ADARB2: variants seen among roughly 807,000 people sequenced by gnomAD.
ADARB2 encodes the protein adenosine deaminase RNA specific B2 (inactive), also known as inactive double-stranded RNA-specific editase B2.
Under a neutral mutation model 62.2 loss-of-function variants are expected in ADARB2, and 25 were observed. The ratio of observed to expected loss-of-function variants is 0.40; its 90% confidence interval spans 0.29 to 0.56. The LOEUF (loss-of-function observed/expected upper bound fraction) is 0.56, where lower values mean the gene tolerates loss of function less well. Ranked by LOEUF, ADARB2 falls within the 20% of genes least tolerant of loss-of-function variation. The pLI, the probability that ADARB2 is intolerant of heterozygous loss-of-function variation, is 0.43. For missense variants in ADARB2, 1,071 were observed against 1,077.4 expected, an observed-to-expected ratio of 0.99 and a Z score of 0.08; for synonymous variants, 572 against 500.8, an observed-to-expected ratio of 1.14 and a Z score of -1.90.
At chr10:1,457,551 C>T (rs1439618201) in intron 1 of ADARB2, among the ~76,000 whole-genome samples, 1 of 152,184 alleles carries the variant, frequency 6.6e-6, no homozygotes, top group South Asian at 2.1e-4. Context: ...CACACTCACT[C>T]TGCCAAAAAG....
At chr10:1,196,317 A>G (rs916832479) in intron 8 of ADARB2, among the ~76,000 whole-genome samples, 1 of 142,792 alleles carries the variant, frequency 7.0e-6, no homozygotes, top group South Asian at 2.2e-4. Context: ...TCACTGCTCT[A>G]TTCTCAATGT....
At chr10:1,274,951 C>T (rs1038069734) in intron 3 of ADARB2, among the ~76,000 whole-genome samples, 12 of 152,162 alleles carry the variant, frequency 7.9e-5, no homozygotes, top group African/African-American at 1.7e-4. Flanking sequence ...CGGGTGAAGG[C>T]GGCTGGCACC....
intron 1 of ADARB2, among the ~76,000 whole-genome samples, chr10:1,381,977 A>C (rs975955102): frequency 6.6e-6 from 1 of 152,136 alleles, no homozygotes; most frequent in Non-Finnish European, 1.5e-5. Context: ...GAAATGGGAT[A>C]AAAGAGTGGA....
intron 1 of ADARB2, among the ~76,000 whole-genome samples, chr10:1,475,287 C>T (rs1831383946): frequency 1.3e-5 from 2 of 152,288 alleles, no homozygotes; most frequent in Admixed American, 6.5e-5. Context: ...GAAACTTGAC[C>T]GCAGGCTGGG....
chr10:1,567,697 C>T (rs1832875628), intron 1 of ADARB2, among the ~76,000 whole-genome samples: 1 of 152,236 alleles, frequency 6.6e-6, no homozygotes, highest in Non-Finnish European at 1.5e-5. Flanking sequence ...GCTGCTGATG[C>T]TCGATGTCTT....
intron 3 of ADARB2, among the ~76,000 whole-genome samples, chr10:1,325,653 C>A (rs1831838170): frequency 6.6e-6 from 1 of 152,206 alleles, no homozygotes. Flanking sequence ...CCGCCTTCCT[C>A]CTCCATGGAG....
chr10:1,311,110 C>G (rs1589188719), intron 3 of ADARB2, among the ~76,000 whole-genome samples: 1 of 152,320 alleles, frequency 6.6e-6, no homozygotes. Flanking sequence ...GGGGGTCACT[C>G]AGGAGACCTG....
intron 1 of ADARB2, among the ~76,000 whole-genome samples, chr10:1,710,435 G>A (rs1483102100): frequency 2.0e-5 from 3 of 152,210 alleles, no homozygotes; most frequent in Admixed American, 2.0e-4. Context: ...GAAACTCCCT[G>A]GGTTTGAGTT....
At chr10:1,624,995 A>G (rs1046520466) in intron 1 of ADARB2, among the ~76,000 whole-genome samples, 7 of 152,204 alleles carry the variant, frequency 4.6e-5, no homozygotes, top group African/African-American at 1.7e-4. Flanking sequence ...ATATATATGT[A>G]GAAGGCAGTC....
At chr10:1,379,365 G>A (rs375239820) in intron 1 of ADARB2, among the ~76,000 whole-genome samples, 42 of 152,136 alleles carry the variant, frequency 2.8e-4, no homozygotes, top group African/African-American at 8.4e-4. Context: ...AAAACTCTAC[G>A]ATTTCCTTCT....
chr10:1,216,968 G>A lies in ADARB2; in HGVS notation c.1665C>T (p.Cys555=). 3 of 1,607,768 alleles carry A rather than the reference G, an allele frequency of 1.9e-6. No homozygotes were observed. Among genetic ancestry groups the A allele is most frequent in the Non-Finnish European group, 2.5e-6 (3 of 1,179,634 alleles). Residue 555 remains cysteine, a synonymous_variant, in exon 7 of 10, where the codon TGC becomes TGT. Transcript: ENST00000381312. The part of the protein sequence containing the change: ...LLGEQLITMS[C]TDKIARWNVL... ...GGCCTCACCTGGCGATCTTGTCCGT[G>A]CAGGACATGGTGATCAGCTGCTCCC...
At chr10:1,205,055 C>T (rs553197209) in intron 7 of ADARB2, among the ~76,000 whole-genome samples, 37 of 152,296 alleles carry the variant, frequency 2.4e-4, no homozygotes, top group African/African-American at 8.4e-4. Flanking sequence ...GTCCCCTGAC[C>T]TCCTGGGTTC....
chr10:1,473,432 GAGTGC>G (rs1204289673), intron 1 of ADARB2, among the ~76,000 whole-genome samples: 1 of 152,118 alleles, frequency 6.6e-6, no homozygotes, highest in Non-Finnish European at 1.5e-5. Flanking sequence ...GCTCGGGCTG[GAGTGC>G]AGTGGTGTGA....
chr10:1,655,788 A>C (rs975279065), intron 1 of ADARB2, among the ~76,000 whole-genome samples: 3 of 152,264 alleles, frequency 2.0e-5, no homozygotes, highest in African/African-American at 7.2e-5. Context: ...TACTGGAACA[A>C]GCGAGGTTTT....
intron 3 of ADARB2, among the ~76,000 whole-genome samples, chr10:1,309,007 G>C (rs1831658895): frequency 1.3e-5 from 2 of 152,110 alleles, no homozygotes; most frequent in African/African-American, 4.8e-5. Context: ...TCCCCAAAAA[G>C]GCAATGATTT....
intron 1 of ADARB2, among the ~76,000 whole-genome samples, chr10:1,603,095 ACAT>A (rs60795111): frequency 0.28 from 42,717 of 150,312 alleles, 6,534 homozygotes; most frequent in South Asian, 0.36. Flanking sequence ...ACACATACAC[ACAT>A]CAACACACAC....
intron 3 of ADARB2, among the ~76,000 whole-genome samples, chr10:1,349,031 C>T (rs1025366051): frequency 2.0e-5 from 3 of 152,124 alleles, no homozygotes; most frequent in Admixed American, 2.0e-4. Context: ...GGCCTCTGAG[C>T]CCAAGCTAAG....
intron 1 of ADARB2, among the ~76,000 whole-genome samples, chr10:1,662,946 T>C (rs1424206572): frequency 6.6e-6 from 1 of 152,202 alleles, no homozygotes; most frequent in Non-Finnish European, 1.5e-5. Flanking sequence ...CGCCAGGGTG[T>C]GACCCAGAGA....
At chr10:1,676,529 C>T (rs1834468709) in intron 1 of ADARB2, among the ~76,000 whole-genome samples, 1 of 152,118 alleles carries the variant, frequency 6.6e-6, no homozygotes, top group South Asian at 2.1e-4. Flanking sequence ...AATTTTCCCC[C>T]TTCATTTTTA....
Sources: allele counts gnomAD v4.1 joint callset (sites outside exome capture counted in the v4.1 genomes callset), GRCh38; gene constraint gnomAD v4.1.1; transcripts MANE v1.5; gene names NCBI Gene and HGNC (gene_info 2026-07-23, HGNC 2026-07-21).